Variants in CACNA1A observed in about 807,000 individuals in gnomAD.
CACNA1A encodes calcium voltage-gated channel subunit alpha1 A.
In CACNA1A, 57 loss-of-function variants were observed where a neutral mutation model predicts 262.4. That is an observed-to-expected ratio of 0.22 (90% CI 0.18 to 0.27). The LOEUF (loss-of-function observed/expected upper bound fraction) is 0.27, where lower values mean the gene tolerates loss of function less well. Ranked by LOEUF, CACNA1A falls within the 10% of genes least tolerant of loss-of-function variation. The pLI is 1.00. For synonymous variants in CACNA1A, 1,431 were observed against 1,419.3 expected, an observed-to-expected ratio of 1.01 and a Z score of -0.18; for missense variants, 2,526 against 3,562.8, an observed-to-expected ratio of 0.71 and a Z score of 7.41.
intron 1 of CACNA1A, among the ~76,000 whole-genome samples, chr19:13,493,097 T>C (rs905990565): frequency 2.0e-5 from 3 of 152,082 alleles, no homozygotes; most frequent in Admixed American, 1.3e-4. Context: ...CTGGGTGAGA[T>C]TTCCTTCTAT....
chr19:13,419,560 C>T (rs1041011434), intron 3 of CACNA1A, among the ~76,000 whole-genome samples: 2 of 152,058 alleles, frequency 1.3e-5, no homozygotes, highest in African/African-American at 4.8e-5. Flanking sequence ...ATCTGTGGTT[C>T]CAGCTACTCT....
chr19:13,258,544 A>C (rs768546296), intron 27 of CACNA1A: 2 of 152,238 alleles, frequency 1.3e-5, no homozygotes, highest in Non-Finnish European at 2.9e-5. Context: ...ATTTTCAGAC[A>C]GATGGAAATG....
At chr19:13,330,933 T>C (rs1474814781) in intron 9 of CACNA1A, among the ~76,000 whole-genome samples, 1 of 152,024 alleles carries the variant, frequency 6.6e-6, no homozygotes, top group Non-Finnish European at 1.5e-5. Context: ...ATGAAAACAG[T>C]CCACCCCTTG....
intron 3 of CACNA1A, among the ~76,000 whole-genome samples, chr19:13,383,416 A>C (rs1446115428): frequency 2.6e-5 from 4 of 152,158 alleles, no homozygotes; most frequent in Non-Finnish European, 4.4e-5. Context: ...TGGGTTGTAG[A>C]CATGTTGAGT....
intron 4 of CACNA1A, among the ~76,000 whole-genome samples, chr19:13,368,158 CAAAAAAATTA>C (rs1305039133): frequency 6.6e-6 from 1 of 151,642 alleles, no homozygotes. Flanking sequence ...CTACAAAATA[CAAAAAAATTA>C]ACTGGGCATG....
rs532477529 is a variant in CACNA1A, at chr19:13,392,491, G to C, written c.540-20712C>G. ...CCAATGGATGAATCCAATTGATGGA[G>C]TGAAGCTCTTGAGGAAATGAACAAG... On this transcript the variant is annotated intron_variant, in intron 3 of 46. Transcript: ENST00000360228. 4.6e-5 allele frequency among the ~76,000 whole-genome samples: 7 copies of C among 152,334 alleles called. No homozygotes were observed. In the East Asian group the frequency reaches 1.2e-3, roughly 25 times the overall value.
At chr19:13,226,545 C>T (rs1171962416) in intron 37 of CACNA1A, 1 of 152,220 alleles carries the variant, frequency 6.6e-6, no homozygotes, top group Non-Finnish European at 1.5e-5. Context: ...AAGGTCATCC[C>T]TGAACTTCTT....
At chr19:13,232,923 C>G (rs1441079378) in intron 34 of CACNA1A, among the ~76,000 whole-genome samples, 1 of 151,256 alleles carries the variant, frequency 6.6e-6, no homozygotes, top group Non-Finnish European at 1.5e-5. Flanking sequence ...GTGACGGGCA[C>G]CTATAATCTC....
At chr19:13,268,485 G>A (rs539865330) in intron 24 of CACNA1A, among the ~76,000 whole-genome samples, 1 of 150,206 alleles carries the variant, frequency 6.7e-6, no homozygotes, top group East Asian at 2.0e-4. Flanking sequence ...CCAGGCTGGA[G>A]TGCAGTGGCA....
intron 3 of CACNA1A, among the ~76,000 whole-genome samples, chr19:13,425,041 T>C (rs930385265): frequency 6.6e-6 from 1 of 152,112 alleles, no homozygotes; most frequent in Non-Finnish European, 1.5e-5. Context: ...CCTGACCTCA[T>C]GATCCGCCCA....
chr19:13,464,762 G>A (rs7259016), intron 1 of CACNA1A, among the ~76,000 whole-genome samples: 149,227 of 151,570 alleles, frequency 0.98, 73,462 homozygotes, highest in East Asian at 1. Context: ...GTTAGCCAGG[G>A]TGGTCTCGAT....
At chr19:13,220,656 T>C (rs2055187463) in intron 38 of CACNA1A, among the ~76,000 whole-genome samples, 1 of 152,126 alleles carries the variant, frequency 6.6e-6, no homozygotes, top group South Asian at 2.1e-4. Flanking sequence ...AGCTGACAAA[T>C]AGGTGTGTCT....
intron 6 of CACNA1A, among the ~76,000 whole-genome samples, chr19:13,343,512 T>C (rs917557493): frequency 1.3e-5 from 2 of 152,058 alleles, no homozygotes; most frequent in South Asian, 2.1e-4. Flanking sequence ...CTCTTGCATG[T>C]CTGATGGAGA....
At chr19:13,455,678 T>C (rs1048960746) in intron 1 of CACNA1A, among the ~76,000 whole-genome samples, 3 of 152,004 alleles carry the variant, frequency 2.0e-5, no homozygotes, top group South Asian at 2.1e-4. Context: ...GTGAAGACTA[T>C]AGACAGTGGA....
chr19:13,457,667 A>G (rs2061038844), intron 1 of CACNA1A, among the ~76,000 whole-genome samples: 1 of 152,150 alleles, frequency 6.6e-6, no homozygotes, highest in African/African-American at 2.4e-5. Flanking sequence ...CATGACCAAC[A>G]TGGAGAAACC....
At chr19:13,393,366 C>A (rs891599285) in intron 3 of CACNA1A, among the ~76,000 whole-genome samples, 1 of 152,184 alleles carries the variant, frequency 6.6e-6, no homozygotes, top group Non-Finnish European at 1.5e-5. Context: ...TGCATGCATG[C>A]TGTATGACCC....
At chr19:13,281,757 G>A (rs1364986302) in intron 22 of CACNA1A, among the ~76,000 whole-genome samples, 3 of 152,234 alleles carry the variant, frequency 2.0e-5, no homozygotes, top group Non-Finnish European at 2.9e-5. Context: ...TACGTGGTGT[G>A]AACGTTATGG....
At chr19:13,405,102 G>A (rs1488902514) in intron 3 of CACNA1A, among the ~76,000 whole-genome samples, 1 of 151,992 alleles carries the variant, frequency 6.6e-6, no homozygotes, top group Non-Finnish European at 1.5e-5. Context: ...CACCATGTTG[G>A]CCAGGCTGGT....
At chr19:13,231,295 A>C (rs1568442868) in intron 35 of CACNA1A, among the ~76,000 whole-genome samples, 1 of 151,810 alleles carries the variant, frequency 6.6e-6, no homozygotes, top group Non-Finnish European at 1.5e-5. Flanking sequence ...GATTACAGGC[A>C]TCGGCCACTA....
Sources: allele counts gnomAD v4.1 joint callset (sites outside exome capture counted in the v4.1 genomes callset), GRCh38; gene constraint gnomAD v4.1.1; transcripts MANE v1.5; gene names NCBI Gene and HGNC (gene_info 2026-07-23, HGNC 2026-07-21).